The following TFDP2 variants were observed in gnomAD, a reference collection of about 807,000 sequenced individuals.
TFDP2 encodes transcription factor Dp-2, also known as transcription factor Dp-2 (E2F dimerization partner 2).
A neutral mutation model predicts 59.3 loss-of-function variants in TFDP2; 17 were observed. The observed-to-expected ratio is 0.29, with a 90% CI of 0.20 to 0.43. TFDP2 has a LOEUF of 0.43. Ranked by LOEUF, TFDP2 falls within the 20% of genes least tolerant of loss-of-function variation. TFDP2 has a pLI of 1.00. For synonymous variants in TFDP2, 180 were observed against 194.7 expected (o/e 0.92, Z 0.63); for missense variants, 391 against 528.8 (o/e 0.74, Z 2.56).
intron 2 of TFDP2, 142 bp downstream of exon 2, chr3:142,101,593 T>C: frequency 1.9e-6 from 1 of 528,264 alleles, no homozygotes. Context: ...TTATCTCATA[T>C]TCTGCATAAA....
At chr3:142,009,737 AG>A (rs1396447774) in intron 3 of TFDP2, among the ~76,000 whole-genome samples, 1 of 151,708 alleles carries the variant, frequency 6.6e-6, no homozygotes, top group Non-Finnish European at 1.5e-5. Flanking sequence ...AGAAAGAAAA[AG>A]AAAAAGAAAT....
At chr3:142,063,048 G>T (rs347689) in intron 3 of TFDP2, among the ~76,000 whole-genome samples, 135,627 of 152,168 alleles carry the variant, frequency 0.89, 60,686 homozygotes, top group African/African-American at 0.97. Context: ...CTTATAAAAC[G>T]TCACTGAGCT....
chr3:142,069,676 CA>C (rs2060180203), intron 3 of TFDP2, among the ~76,000 whole-genome samples: 1 of 151,258 alleles, frequency 6.6e-6, no homozygotes. Flanking sequence ...GGTGCTATCT[CA>C]ACTCACTGCA....
rs540886207 is a variant in TFDP2, at chr3:142,012,867, G to A, written c.83-7323C>T. On this transcript the variant is annotated intron_variant, in intron 3 of 12. Coordinates refer to ENST00000489671, the MANE Select transcript of TFDP2 (RefSeq NM_001178139.2). Reference sequence around the variant, plus strand: ...TTTAAAAGCTACTGTTGCCAGGCGCGGTGGCTCACGCTTGTAATCCCAGCA... The same window carrying A: ...TTTAAAAGCTACTGTTGCCAGGCGCAGTGGCTCACGCTTGTAATCCCAGCA... 2.3e-3 allele frequency among the ~76,000 whole-genome samples: 352 copies of A among 152,244 alleles called. 3 individuals are homozygous for A. The highest frequency in any genetic ancestry group is 8.2e-3 in the African/African-American group (341 of 41,546).
rs775627984 is a variant in TFDP2, at chr3:141,963,916, C to T, written c.780G>A (p.Gln260=). ...TCAGAGCCGGCGGGCCCTGGTTTTG[C>T]TGCTCATTTTGTCGATTTCTCTGTA... ...NLVQRNRQNE[Q]QNQGPPALNS... The change falls in exon 10 of 13, where the codon CAG becomes CAA. Residue 260 remains glutamine, a synonymous_variant. Transcript: ENST00000489671. The T allele has an allele frequency of 4.3e-6, 7 of 1,613,590 alleles. No individual in the cohort carries two copies. In the African/African-American group the frequency reaches 9.4e-5, roughly 22 times the overall value.
intron 3 of TFDP2, among the ~76,000 whole-genome samples, chr3:142,058,819 G>T (rs2059825412): frequency 6.6e-6 from 1 of 152,070 alleles, no homozygotes; most frequent in Admixed American, 6.6e-5. Context: ...TTTTATAGAG[G>T]TTTCCTTATG....
Position 141,978,555 on chromosome 3 carries a change from A to C in TFDP2, c.484T>G (p.Phe162Val). The change falls in exon 7 of 13, where the codon TTC becomes GTC. Residue 162 changes from phenylalanine (F) to valine (V), a missense_variant. Coordinates refer to ENST00000489671, the MANE Select transcript of TFDP2 (RefSeq NM_001178139.2). The part of the protein sequence containing the change: ...NEVADELVSE[F>V]TNSNNHLAAD... The stretch of plus-strand genomic sequence containing the variant: ...GCCAAATGGTTATTTGAATTGGTGA[A>C]CTCTGACACCAGCTCATCAGCGACT... 6.2e-7 allele frequency: 1 copy of C among 1,611,904 alleles called. No homozygotes were observed. Among genetic ancestry groups the C allele is most frequent in the Non-Finnish European group, 8.5e-7 (1 of 1,179,474 alleles).
chr3:141,992,411 T>G (rs1559988639), intron 6 of TFDP2, among the ~76,000 whole-genome samples: 1 of 152,158 alleles, frequency 6.6e-6, no homozygotes, highest in Non-Finnish European at 1.5e-5. Flanking sequence ...CAAAGGAGAA[T>G]AAAGAGAATC....
chr3:142,133,235 T>TG (rs1436982069), intron 1 of TFDP2, among the ~76,000 whole-genome samples: 1 of 150,060 alleles, frequency 6.7e-6, no homozygotes, highest in Non-Finnish European at 1.5e-5. Flanking sequence ...GAGGATGTTT[T>TG]GGAGAGAGTC....
At chr3:142,123,756 T>C (rs1242185513) in intron 1 of TFDP2, among the ~76,000 whole-genome samples, 1 of 152,228 alleles carries the variant, frequency 6.6e-6, no homozygotes, top group African/African-American at 2.4e-5. Flanking sequence ...AAGAAATGAT[T>C]TCTACTATTA....
At chr3:142,026,030 T>C (rs1576762019) in intron 3 of TFDP2, among the ~76,000 whole-genome samples, 1 of 152,288 alleles carries the variant, frequency 6.6e-6, no homozygotes, top group Non-Finnish European at 1.5e-5. Context: ...GAAAATCTTC[T>C]GGCCGGCGCA....
chr3:141,993,092 T>C (rs1329072911), intron 6 of TFDP2, among the ~76,000 whole-genome samples: 1 of 151,886 alleles, frequency 6.6e-6, no homozygotes. Flanking sequence ...CCCAGCACTT[T>C]GGGAGGCTGA....
In TFDP2 at chr3:142,132,876, T is replaced by C. The variant is rs926242799; in HGVS notation, c.-93+16307A>G. Among the ~76,000 whole-genome samples the C allele has an allele frequency of 9.6e-5, 14 of 146,302 alleles. 1 individual carries two copies. Among genetic ancestry groups the C allele is most frequent in the African/African-American group, 3.7e-4 (14 of 38,134 alleles). On this transcript the variant is annotated intron_variant, in intron 1 of 12. Coordinates refer to ENST00000489671, the MANE Select transcript of TFDP2 (RefSeq NM_001178139.2). ...AAAGAAGATGAACAATAGAAAAATA[T>C]ATGATATTCTTGGATAAGACAATTC... is the stretch of plus-strand genomic sequence containing the variant.
Position 141,950,970 on chromosome 3 carries a change from T to C in TFDP2, c.*1543A>G, listed in dbSNP as rs1000293177. 1.3e-5 allele frequency: 2 copies of C among 152,358 alleles called. No homozygotes were observed. Among genetic ancestry groups the C allele is most frequent in the South Asian group, 2.1e-4 (1 of 4,828 alleles). The allele number at this position is 152,358 out of a possible 1,614,324, so 9.4% of individuals were successfully genotyped here. The stretch of plus-strand genomic sequence containing the variant: ...TTCTTTCTCAGTTTTTATGGCCTTA[T>C]TAAACATGTTTAGCTAGCCAAAGCT... On this transcript the variant is annotated 3_prime_UTR_variant, in exon 13 of 13. Coordinates refer to ENST00000489671, the MANE Select transcript of TFDP2 (RefSeq NM_001178139.2).
intron 3 of TFDP2, among the ~76,000 whole-genome samples, chr3:142,061,889 T>TACACACACACACACACAC (rs71153939): frequency 1.3e-5 from 1 of 79,880 alleles, no homozygotes; most frequent in Non-Finnish European, 2.6e-5. Flanking sequence ...TCTCTCTCTC[T>TACACACACACACACACAC]ACACACACAC....
intron 1 of TFDP2, among the ~76,000 whole-genome samples, chr3:142,136,444 T>C (rs2062741312): frequency 1.6e-5 from 2 of 128,156 alleles, no homozygotes; most frequent in Middle Eastern, 4.6e-3. Context: ...CATTTGTCTA[T>C]TTGGCTTTTG....
At chr3:142,129,900 C>T (rs2062430367) in intron 1 of TFDP2, among the ~76,000 whole-genome samples, 1 of 152,084 alleles carries the variant, frequency 6.6e-6, no homozygotes, top group South Asian at 2.1e-4. Flanking sequence ...TACCACCTCA[C>T]ACTCATTAGG....
chr3:141,986,873 C>T (rs1942159893), intron 6 of TFDP2, among the ~76,000 whole-genome samples: 1 of 152,000 alleles, frequency 6.6e-6, no homozygotes, highest in Non-Finnish European at 1.5e-5. Context: ...CTGTGGTTTT[C>T]ATTTGCATTT....
rs1491255094 is a variant in TFDP2, at chr3:141,977,107, T to TAGATAGATAGATAGATAGATAGATAGA, written c.519+1412_519+1413insTCTATCTATCTATCTATCTATCTATCT. ...TCATAGCCATATATATATATATATA[T>TAGATAGATAGATAGATAGATAGATAGA]TTTTTTTTTTTTTTTTTTTTTCCCC... On this transcript the variant is annotated intron_variant, in intron 7 of 12. Transcript: ENST00000489671. Among the ~76,000 whole-genome samples the TAGATAGATAGATAGATAGATAGATAGA allele has an allele frequency of 1.6e-4, 14 of 86,686 alleles. 2 individuals are homozygous for TAGATAGATAGATAGATAGATAGATAGA. Among genetic ancestry groups the TAGATAGATAGATAGATAGATAGATAGA allele is most frequent in the Admixed American group, 8.5e-4 (6 of 7,088 alleles). 56.9% of individuals were successfully genotyped at this position (86,686 alleles called of 152,430 possible).
Sources: gnomAD v4.1 joint callset for allele counts (sites outside exome capture counted in the v4.1 genomes callset) on GRCh38, gnomAD v4.1.1 for gene constraint, MANE v1.5 for transcripts, NCBI Gene and HGNC (gene_info 2026-07-23, HGNC 2026-07-21) for gene names.